LONRF1: variants seen among roughly 807,000 people sequenced by gnomAD.
LONRF1 encodes the protein LON peptidase N-terminal domain and RING finger protein 1.
LONRF1 carries 37 observed loss-of-function variants against 85.8 expected under a neutral mutation model. The observed-to-expected ratio is 0.43, with a 90% confidence interval of 0.33 to 0.57. LONRF1 has a LOEUF of 0.57. LONRF1 is among the 20% of genes least tolerant of loss of function. The pLI is 0.04. For missense variants in LONRF1, 1,036 were observed against 978.0 expected (o/e 1.06, Z -0.79); for synonymous variants, 517 against 390.1 (o/e 1.33, Z -3.83).
chr8:12,746,178 C>T (rs1453570680), intron 1 of LONRF1, among the ~76,000 whole-genome samples: 2 of 152,162 alleles, frequency 1.3e-5, no homozygotes, highest in Non-Finnish European at 2.9e-5. Context: ...AATACTATTG[C>T]AATAGCTTGC....
chr8:12,725,134 G>A (rs563394369), intron 11 of LONRF1, among the ~76,000 whole-genome samples: 9 of 152,264 alleles, frequency 5.9e-5, no homozygotes, highest in African/African-American at 1.9e-4. Context: ...AGTTTTGCTT[G>A]CACAGAAAGT....
At position 12,737,029 on chromosome 8, in the gene LONRF1, T is replaced by G. The variant is rs1448251006; in HGVS notation, c.1225A>C (p.Lys409Gln). Residue 409 changes from lysine to glutamine, a missense_variant, in exon 5 of 12, where the codon AAA (lysine) becomes CAA (glutamine). Physicochemically the swap from Lys to Gln is moderately conservative, Grantham distance 53. Transcript: ENST00000398246. ...AGAACAGGTTCTGAGGACACTCTTT[T>G]TAAACAGTCCTCTCTGGCAGGCATT... The part of the protein sequence containing the change: ...TEMPAREDCL[K>Q]RVSSEPVLSV... The G allele has an allele frequency of 6.2e-7, 1 of 1,613,720 alleles. No individual in the cohort carries two copies. Among genetic ancestry groups the G allele is most frequent in the East Asian group, 2.2e-5 (1 of 44,854 alleles).
chr8:12,736,401 C>A (rs1325320360), intron 6 of LONRF1, among the ~76,000 whole-genome samples: 1 of 152,086 alleles, frequency 6.6e-6, no homozygotes, highest in Non-Finnish European at 1.5e-5. Context: ...TCATCTATAA[C>A]TTTCTTAGTA....
intron 1 of LONRF1, 141 bp downstream of exon 1, chr8:12,754,559 C>A: frequency 9.7e-7 from 1 of 1,030,620 alleles, no homozygotes. Flanking sequence ...CCCCCAGCAC[C>A]CCGAGACCCG....
chr8:12,735,561 C>T (rs1315815488), intron 6 of LONRF1, 161 bp from the exon 7 acceptor site: 2 of 577,826 alleles, frequency 3.5e-6, no homozygotes, highest in South Asian at 2.1e-5. Context: ...GTAACCATAC[C>T]CTCCAGAATG....
chr8:12,753,875 C>T (rs774450999), intron 1 of LONRF1: 1 of 152,192 alleles, frequency 6.6e-6, no homozygotes, highest in Non-Finnish European at 1.5e-5. Flanking sequence ...AGAAGCGTGG[C>T]AGAGAACTAT....
In LONRF1 at chr8:12,721,946, A is replaced by C. The variant is rs1265200953; in HGVS notation, c.*1150T>G. ...TTTTATTCAAAATTAAATAAGCAAA[A>C]GCAAAAATTTTAAGAAACTTTTACA... On this transcript the variant is annotated 3_prime_UTR_variant, in exon 12 of 12. Coordinates refer to ENST00000398246, the MANE Select transcript of LONRF1 (RefSeq NM_152271.5). The C allele has an allele frequency of 2.0e-5, 3 of 152,564 alleles. No homozygotes were observed. The highest frequency in any genetic ancestry group is 4.8e-5 in the African/African-American group (2 of 41,462). 9.5% of individuals were successfully genotyped at this position (152,564 alleles called of 1,614,324 possible). A position where few individuals can be genotyped will look rare whatever the true frequency, so the allele number is the denominator to read the frequency against.
intron 1 of LONRF1, among the ~76,000 whole-genome samples, chr8:12,750,855 T>A (rs1420166239): frequency 3.3e-5 from 5 of 152,220 alleles, no homozygotes; most frequent in Admixed American, 3.3e-4. Context: ...AGATTCCACT[T>A]TCAGCAAAAT....
In LONRF1 at chr8:12,722,887, C is replaced by G; in HGVS notation, c.*209G>C. 1 of 495,192 alleles carries G rather than the reference C, an allele frequency of 2.0e-6. No homozygotes were observed. Among genetic ancestry groups the G allele is most frequent in the East Asian group, 3.4e-5 (1 of 29,640 alleles). The allele number at this position is 495,192 out of a possible 1,614,324, so 30.7% of individuals were successfully genotyped here. A position where few individuals can be genotyped will look rare whatever the true frequency, so the allele number is the denominator to read the frequency against. ...ACAATGTAGAGGTTCGACACACATTCAATGCGTGTTTTTCTGTGCAAGTTC... is the reference window on the plus strand; with the variant it reads ...ACAATGTAGAGGTTCGACACACATTGAATGCGTGTTTTTCTGTGCAAGTTC... On this transcript the variant is annotated 3_prime_UTR_variant, in exon 12 of 12. Transcript: ENST00000398246.
In LONRF1 at chr8:12,727,600, T is replaced by C. The variant is rs143015925; in HGVS notation, c.2010+1301A>G. Among the ~76,000 whole-genome samples the C allele has an allele frequency of 1.7e-3, 256 of 152,286 alleles. 2 individuals are homozygous for C. Among genetic ancestry groups the C allele is most frequent in the African/African-American group, 5.9e-3 (246 of 41,576 alleles). ...ACATGTTTGTAAGTATTAATACATA[T>C]AGTCATGTAATTTAGCCATATACTC... is the stretch of plus-strand genomic sequence containing the variant. On this transcript the variant is annotated intron_variant, in intron 10 of 11. Transcript: ENST00000398246.
intron 8 of LONRF1, among the ~76,000 whole-genome samples, chr8:12,730,700 T>C (rs1001935437): frequency 1.3e-5 from 2 of 152,206 alleles, no homozygotes; most frequent in African/African-American, 2.4e-5. Context: ...AATTGTCATA[T>C]CATTTTATAA....
At chr8:12,743,106 G>T in intron 2 of LONRF1, 58 bp downstream of exon 2, 2 of 1,042,614 alleles carry the variant, frequency 1.9e-6, no homozygotes, top group Non-Finnish European at 3.0e-6. Flanking sequence ...GTGAATGAAT[G>T]CATGTCCCTT....
At chr8:12,752,695 C>A (rs1249153699) in intron 1 of LONRF1, among the ~76,000 whole-genome samples, 1 of 152,158 alleles carries the variant, frequency 6.6e-6, no homozygotes, top group African/African-American at 2.4e-5. Flanking sequence ...TCTCTGTTAA[C>A]TAAAATATTA....
chr8:12,744,287 A>T lies in LONRF1; in HGVS notation c.722-1005T>A, dbSNP rs982941001. On this transcript the variant is annotated intron_variant, in intron 1 of 11. Coordinates refer to ENST00000398246, the MANE Select transcript of LONRF1 (RefSeq NM_152271.5). The stretch of plus-strand genomic sequence containing the variant: ...TCTCACTTGAGCAATTAATTTAGGA[A>T]GGCCTCTTTCAGTTGCTGGTGCCTG... Among the ~76,000 whole-genome samples, 7 of 152,288 alleles carry T rather than the reference A, an allele frequency of 4.6e-5. No homozygotes were observed. The South Asian group carries it at 8.3e-4, about 18-fold the overall frequency.
chr8:12,751,080 C>T (rs117009685), intron 1 of LONRF1, among the ~76,000 whole-genome samples: 2,091 of 152,098 alleles, frequency 0.014, 24 homozygotes, highest in Non-Finnish European at 0.021. Flanking sequence ...CGGAGAGAGG[C>T]GAGGGCTGCG....
At chr8:12,736,019 T>C (rs1336522470) in intron 6 of LONRF1, among the ~76,000 whole-genome samples, 1 of 152,136 alleles carries the variant, frequency 6.6e-6, no homozygotes, top group East Asian at 1.9e-4. Flanking sequence ...TTGCTAGAAA[T>C]AGATTTAGAG....
intron 4 of LONRF1, 48 bp downstream of exon 4, chr8:12,737,947 A>T: frequency 6.5e-7 from 1 of 1,547,264 alleles, no homozygotes; most frequent in Non-Finnish European, 8.7e-7. Flanking sequence ...CTTAACTCGT[A>T]AAGAAATGGA....
At position 12,723,243 on chromosome 8, in the gene LONRF1, A is replaced by G; in HGVS notation, c.2175T>C (p.Asn725=). 6.2e-7 allele frequency: 1 copy of G among 1,609,068 alleles called. No homozygotes were observed. Among genetic ancestry groups the G allele is most frequent in the Non-Finnish European group, 8.5e-7 (1 of 1,178,708 alleles). ...EREENLQAAP[N]GPAWCWWLLA... Reference sequence around the variant, plus strand: ...GAAGCCACCAACACCATGCAGGTCCATTAGGGGCTGCCTAAAAACAATGGA... The same window carrying G: ...GAAGCCACCAACACCATGCAGGTCCGTTAGGGGCTGCCTAAAAACAATGGA... The change falls in exon 12 of 12, where the codon AAT becomes AAC. Residue 725 remains asparagine, a synonymous_variant. Transcript: ENST00000398246.
intron 4 of LONRF1, among the ~76,000 whole-genome samples, chr8:12,737,544 G>A (rs561981014): frequency 1.3e-5 from 2 of 152,186 alleles, no homozygotes; most frequent in East Asian, 3.9e-4. Flanking sequence ...TGCAAATACT[G>A]TGCCATTTTA....
Sources: gnomAD v4.1 joint callset for allele counts (sites outside exome capture counted in the v4.1 genomes callset) on GRCh38, gnomAD v4.1.1 for gene constraint, MANE v1.5 for transcripts, NCBI Gene and HGNC (gene_info 2026-07-23, HGNC 2026-07-21) for gene names.